Variants in POFUT3 observed in about 807,000 individuals in gnomAD.
POFUT3 encodes the protein GDP-fucose protein O-fucosyltransferase 3.
chr8:33,426,380 C>A, the POFUT3 span, among the ~76,000 whole-genome samples: 1 of 152,164 alleles, frequency 6.6e-6, no homozygotes, highest in Admixed American at 6.5e-5. Flanking sequence ...TGACCATAAG[C>A]TATGAGGCTC....
At chr8:33,421,689 G>A in the POFUT3 span, among the ~76,000 whole-genome samples, 1 of 152,140 alleles carries the variant, frequency 6.6e-6, no homozygotes, top group Non-Finnish European at 1.5e-5. Context: ...ATGCTCAAAG[G>A]AACATTAAGT....
the POFUT3 span, among the ~76,000 whole-genome samples, chr8:33,329,143 A>G: frequency 1.4e-5 from 2 of 147,336 alleles, no homozygotes; most frequent in Non-Finnish European, 3.0e-5. Context: ...CACCTGTCAA[A>G]TTTCTACATC....
the POFUT3 span, among the ~76,000 whole-genome samples, chr8:33,416,474 G>T: frequency 6.6e-6 from 1 of 152,088 alleles, no homozygotes; most frequent in Non-Finnish European, 1.5e-5. Context: ...CGCTCTGGGA[G>T]GCCAAGGCGG....
chr8:33,342,041 A>G, the POFUT3 span, among the ~76,000 whole-genome samples: 1 of 152,098 alleles, frequency 6.6e-6, no homozygotes, highest in South Asian at 2.1e-4. Flanking sequence ...TTAGCCAGGC[A>G]TGGTGGCATG....
chr8:33,416,830 CAAAAA>C, the POFUT3 span, among the ~76,000 whole-genome samples: 1 of 44,552 alleles, frequency 2.2e-5, no homozygotes, highest in Non-Finnish European at 5.5e-5. Flanking sequence ...TGGGCGACGA[CAAAAA>C]AAAAAAAAAA....
chr8:33,432,360 T>C, the POFUT3 span, among the ~76,000 whole-genome samples: 1 of 147,996 alleles, frequency 6.8e-6, no homozygotes, highest in Admixed American at 6.8e-5. Context: ...TGAGCCAAGA[T>C]CGCACCACTG....
At chr8:33,359,302 A>C in the POFUT3 span, among the ~76,000 whole-genome samples, 1 of 152,222 alleles carries the variant, frequency 6.6e-6, no homozygotes, top group Non-Finnish European at 1.5e-5. Context: ...TTGTAAGGTG[A>C]GGAAGAAGGA....
chr8:33,363,729 G>C, the POFUT3 span, among the ~76,000 whole-genome samples: 2 of 152,130 alleles, frequency 1.3e-5, no homozygotes, highest in Non-Finnish European at 2.9e-5. Flanking sequence ...GGAAGAAGCT[G>C]AATCTCTGAA....
At chr8:33,344,306 T>C in the POFUT3 span, among the ~76,000 whole-genome samples, 2 of 152,326 alleles carry the variant, frequency 1.3e-5, no homozygotes, top group Middle Eastern at 6.8e-3. Flanking sequence ...TGCTCAGAGA[T>C]GTGAATTCAT....
chr8:33,361,128 T>C, the POFUT3 span: 1 of 152,226 alleles, frequency 6.6e-6, no homozygotes, highest in Non-Finnish European at 1.5e-5. Context: ...CATCACCTTT[T>C]CTGAGGCACT....
At chr8:33,429,861 T>C in the POFUT3 span, among the ~76,000 whole-genome samples, 4 of 151,952 alleles carry the variant, frequency 2.6e-5, 1 homozygote, top group South Asian at 4.1e-4. Flanking sequence ...CTGGGCATGG[T>C]GGTGGGCACC....
chr8:33,365,342 C>G, the POFUT3 span, among the ~76,000 whole-genome samples: 45 of 151,972 alleles, frequency 3.0e-4, no homozygotes, highest in African/African-American at 8.2e-4. Flanking sequence ...TCAGGACATA[C>G]GCATGGGCAA....
chr8:33,456,992 A>G, the POFUT3 span, among the ~76,000 whole-genome samples: 1 of 151,976 alleles, frequency 6.6e-6, no homozygotes, highest in Non-Finnish European at 1.5e-5. Flanking sequence ...GATGGTCTCA[A>G]TCTTTTGACC....
chr8:33,417,072 A>G, the POFUT3 span, among the ~76,000 whole-genome samples: 11 of 152,244 alleles, frequency 7.2e-5, 1 homozygote, highest in African/African-American at 2.2e-4. Flanking sequence ...GCCACTCCCC[A>G]GCGCTGGCAT....
chr8:33,353,652 C>G, the POFUT3 span, among the ~76,000 whole-genome samples: 1 of 152,140 alleles, frequency 6.6e-6, no homozygotes, highest in African/African-American at 2.4e-5. Context: ...TTGTGTTGAG[C>G]AATCACTAGT....
chr8:33,413,795 C>T, the POFUT3 span, among the ~76,000 whole-genome samples: 1 of 152,108 alleles, frequency 6.6e-6, no homozygotes, highest in Non-Finnish European at 1.5e-5. Context: ...GCAATACATA[C>T]AATAAAGATA....
At chr8:33,380,217 A>ATATATATATATAC in the POFUT3 span, among the ~76,000 whole-genome samples, 1 of 51,560 alleles carries the variant, frequency 1.9e-5, no homozygotes, top group Non-Finnish European at 3.2e-5. Flanking sequence ...TATATATACT[A>ATATATATATATAC]TATATATATA....
At chr8:33,449,553 G>T in the POFUT3 span, among the ~76,000 whole-genome samples, 1 of 152,022 alleles carries the variant, frequency 6.6e-6, no homozygotes, top group African/African-American at 2.4e-5. Context: ...GCCTTGCAAA[G>T]TGCTGGGATT....
At chr8:33,346,927 T>C in the POFUT3 span, among the ~76,000 whole-genome samples, 1 of 152,216 alleles carries the variant, frequency 6.6e-6, no homozygotes, top group Non-Finnish European at 1.5e-5. Context: ...AGAAAACTTC[T>C]ATGAAGTTTT....
Sources: allele counts gnomAD v4.1 joint callset (sites outside exome capture counted in the v4.1 genomes callset), GRCh38; gene constraint gnomAD v4.1.1; transcripts MANE v1.5; gene names NCBI Gene and HGNC (gene_info 2026-07-23, HGNC 2026-07-21).